ADAMTS20: variants seen among roughly 807,000 people sequenced by gnomAD.
ADAMTS20 encodes the protein A disintegrin and metalloproteinase with thrombospondin motifs 20.
Under a neutral mutation model 260.1 loss-of-function variants are expected in ADAMTS20, and 225 were observed. The ratio of observed to expected loss-of-function variants is 0.87; its 90% confidence interval spans 0.78 to 0.97. The LOEUF (loss-of-function observed/expected upper bound fraction) is 0.97. Among genes scored for constraint, ADAMTS20 ranks in the 50% least tolerant of loss-of-function variants. ADAMTS20 has a pLI of 0.00. For missense variants in ADAMTS20, 2,400 were observed against 2,337.7 expected, an observed-to-expected ratio of 1.03 and a Z score of -0.55; for synonymous variants, 802 against 769.5, an observed-to-expected ratio of 1.04 and a Z score of -0.70.
rs143413423 is a variant in ADAMTS20 at position 43,483,995 on chromosome 12, G to C, written c.1117+6400C>G. ...CCACACAGGAGACAGTGAACCCATA[G>C]ACCCACCACATCACTACGACTACCA... is the stretch of plus-strand genomic sequence containing the variant. On this transcript the variant is annotated intron_variant, in intron 7 of 38. Transcript: ENST00000389420. Among the ~76,000 whole-genome samples the C allele has an allele frequency of 2.3e-3, 345 of 152,220 alleles. 1 individual carries two copies. Among genetic ancestry groups the C allele is most frequent in the African/African-American group, 7.8e-3 (325 of 41,528 alleles).
At chr12:43,438,382 T>C (rs1764548480) in intron 18 of ADAMTS20, among the ~76,000 whole-genome samples, 1 of 152,218 alleles carries the variant, frequency 6.6e-6, no homozygotes, top group African/African-American at 2.4e-5. Context: ...TCTAAAAGGA[T>C]ATTCAGGACC....
At chr12:43,527,894 A>C (rs1229638947) in intron 3 of ADAMTS20, among the ~76,000 whole-genome samples, 1 of 152,134 alleles carries the variant, frequency 6.6e-6, no homozygotes, top group East Asian at 1.9e-4. Context: ...GAGGAAGTCC[A>C]ACTATCTCTG....
Position 43,404,029 on chromosome 12 carries a change from T to C in ADAMTS20, c.4285-4796A>G, listed in dbSNP as rs558848208. 2.0e-5 allele frequency among the ~76,000 whole-genome samples: 3 copies of C among 152,244 alleles called. No homozygotes were observed. In the East Asian group the frequency reaches 5.8e-4, roughly 29 times the overall value. ...AAACTCCCTTCTCTGATGGAGGATG[T>C]CTGATGTCCAATTTAGACCAGATTA... On this transcript the variant is annotated intron_variant, in intron 28 of 38. Transcript: ENST00000389420.
Position 43,493,192 on chromosome 12 carries a change from A to C in ADAMTS20, c.929T>G (p.Leu310Ter). The change falls in exon 5 of 39, where the codon TTA (leucine) becomes TGA (stop). Residue 310 changes from leucine to a stop codon, truncating the protein, a stop_gained. Coordinates refer to ENST00000389420, the MANE Select transcript of ADAMTS20 (RefSeq NM_025003.5). LOFTEE classifies it high-confidence loss of function. ...GNLIHIVVVK[L>*]VMIHREEEGP... ...TACCTCCTCACGGTGAATCATAACT[A>C]ATTTTACCACTACTATGTGTATCAA... 2 of 1,562,932 alleles carry C rather than the reference A, an allele frequency of 1.3e-6. No individual in the cohort carries two copies. The highest frequency in any genetic ancestry group is 4.7e-5 in the East Asian group (2 of 42,932).
rs1321582965 is a variant in ADAMTS20, at chr12:43,356,596, G to A, written c.5539-8C>T. ...ATTAATGCTAAACTGTCCCTGGATT[G>A]TAAATAAAACAAAGAAAAATAGATG... On this transcript the variant is annotated splice_polypyrimidine_tract_variant and splice_region_variant and intron_variant, in intron 37 of 38. Transcript: ENST00000389420. The A allele has an allele frequency of 6.3e-7, 1 of 1,590,944 alleles. No homozygotes were observed. The highest frequency in any genetic ancestry group is 8.6e-7 in the Non-Finnish European group (1 of 1,165,472).
intron 37 of ADAMTS20, among the ~76,000 whole-genome samples, chr12:43,358,372 C>A (rs556276000): frequency 1.3e-5 from 2 of 151,468 alleles, no homozygotes; most frequent in Non-Finnish European, 2.9e-5. Context: ...AATATGATCT[C>A]AAAAAAAATG....
chr12:43,490,787 T>C (rs768100621), intron 6 of ADAMTS20, among the ~76,000 whole-genome samples: 35 of 152,164 alleles, frequency 2.3e-4, no homozygotes, highest in Non-Finnish European at 3.7e-4. Flanking sequence ...CATTCTCTCA[T>C]GCAAAATAAT....
chr12:43,483,651 T>C (rs1282314403), intron 7 of ADAMTS20, among the ~76,000 whole-genome samples: 1 of 151,980 alleles, frequency 6.6e-6, no homozygotes, highest in Admixed American at 6.5e-5. Flanking sequence ...GAACATTGGG[T>C]TGGGAATGTG....
chr12:43,548,000 TA>T (rs1943463185), intron 2 of ADAMTS20, among the ~76,000 whole-genome samples: 1 of 152,176 alleles, frequency 6.6e-6, no homozygotes, highest in African/African-American at 2.4e-5. Flanking sequence ...AAAGACCTCA[TA>T]ACACGTTATA....
chr12:43,512,605 G>A (rs1036601436), intron 3 of ADAMTS20, among the ~76,000 whole-genome samples: 1 of 151,976 alleles, frequency 6.6e-6, no homozygotes, highest in Admixed American at 6.6e-5. Flanking sequence ...AGAGTTTCAC[G>A]AGTTAATAAT....
At chr12:43,540,808 G>A (rs1038185282) in intron 2 of ADAMTS20, among the ~76,000 whole-genome samples, 4 of 152,110 alleles carry the variant, frequency 2.6e-5, no homozygotes, top group African/African-American at 9.7e-5. Context: ...TTTCACTTGG[G>A]TAGGAGTTTC....
intron 8 of ADAMTS20, among the ~76,000 whole-genome samples, chr12:43,467,548 G>A (rs1214873642): frequency 2.6e-5 from 4 of 151,898 alleles, no homozygotes; most frequent in Non-Finnish European, 5.9e-5. Flanking sequence ...GAGTTTCTCA[G>A]GAAGAAAACA....
intron 28 of ADAMTS20, among the ~76,000 whole-genome samples, chr12:43,424,468 T>C (rs1326744440): frequency 2.0e-5 from 3 of 152,136 alleles, no homozygotes; most frequent in Admixed American, 6.5e-5. Flanking sequence ...GCATGACATA[T>C]GTAAAAAACT....
At chr12:43,524,277 C>T (rs1418204364) in intron 3 of ADAMTS20, among the ~76,000 whole-genome samples, 3 of 66,074 alleles carry the variant, frequency 4.5e-5, no homozygotes, top group Non-Finnish European at 6.2e-5. Flanking sequence ...CTGAAAGCAA[C>T]GAGAGCCTAA....
rs1423405896 is a variant in ADAMTS20, at chr12:43,430,452, T to C, written c.3281A>G (p.His1094Arg). 1.2e-6 allele frequency: 2 copies of C among 1,612,760 alleles called. No homozygotes were observed. Among genetic ancestry groups the C allele is most frequent in the East Asian group, 2.2e-5 (1 of 44,824 alleles). The change falls in exon 23 of 39, where the codon CAT becomes CGT. Residue 1094 changes from histidine (H) to arginine (R), a missense_variant. By Grantham distance (29) the His-to-Arg change is conservative. Transcript: ENST00000389420. ...PWGPCTTTCG[H>R]GYQMRDVKCV... is the part of the protein sequence containing the mutation. ...TTTAACATCTCGCATCTGATACCCA[T>C]GTCCACATGTGGTTGTGCACTGAAA... is the stretch of plus-strand genomic sequence containing the variant.
At chr12:43,446,067 T>G (rs1941754658) in intron 15 of ADAMTS20, among the ~76,000 whole-genome samples, 1 of 152,124 alleles carries the variant, frequency 6.6e-6, no homozygotes, top group Non-Finnish European at 1.5e-5. Context: ...AATGTGACAA[T>G]AATTCTGAAA....
At chr12:43,467,796 T>G (rs552082223) in intron 8 of ADAMTS20, among the ~76,000 whole-genome samples, 1 of 152,142 alleles carries the variant, frequency 6.6e-6, no homozygotes, top group Admixed American at 6.6e-5. Flanking sequence ...CTAAAAATTA[T>G]CTCCATTTGA....
intron 14 of ADAMTS20, among the ~76,000 whole-genome samples, chr12:43,451,293 C>T (rs1941859846): frequency 6.6e-6 from 1 of 152,140 alleles, no homozygotes; most frequent in South Asian, 2.1e-4. Context: ...TTCTCAAACT[C>T]GCCATCCATT....
At chr12:43,440,840 G>A (rs943247805) in intron 16 of ADAMTS20, among the ~76,000 whole-genome samples, 2 of 151,866 alleles carry the variant, frequency 1.3e-5, no homozygotes, top group African/African-American at 4.8e-5. Flanking sequence ...CGAGACGGGC[G>A]GATCACGAGG....
Sources: gnomAD v4.1 joint callset for allele counts (sites outside exome capture counted in the v4.1 genomes callset) on GRCh38, gnomAD v4.1.1 for gene constraint, MANE v1.5 for transcripts, NCBI Gene and HGNC (gene_info 2026-07-23, HGNC 2026-07-21) for gene names.